CUL1: variants seen among roughly 807,000 people sequenced by gnomAD.
CUL1 encodes the protein cullin-1.
A neutral mutation model predicts 118.0 loss-of-function variants in CUL1; 24 were observed. The ratio of observed to expected loss-of-function variants is 0.20; its 90% CI spans 0.15 to 0.29. The LOEUF (loss-of-function observed/expected upper bound fraction) is 0.29, where lower values mean the gene tolerates loss of function less well. Ranked by LOEUF, CUL1 falls within the 10% of genes least tolerant of loss-of-function variation. The probability of loss-of-function intolerance (pLI) is 1.00; values close to 1 mark genes in which losing one functional copy is unlikely to be tolerated. For synonymous variants in CUL1, 332 were observed against 340.4 expected, an observed-to-expected ratio of 0.98 and a Z score of 0.27; for missense variants, 361 against 933.8, an observed-to-expected ratio of 0.39 and a Z score of 7.99.
At chr7:148,725,229 A>G (rs1395462110) in intron 1 of CUL1, among the ~76,000 whole-genome samples, 52 of 151,134 alleles carry the variant, frequency 3.4e-4, no homozygotes, top group African/African-American at 8.3e-4. Flanking sequence ...GCTCACACAC[A>G]CACACACACA....
At chr7:148,725,207 A>ACGCGCGCG (rs1263565835) in intron 1 of CUL1, among the ~76,000 whole-genome samples, 2 of 107,728 alleles carry the variant, frequency 1.9e-5, no homozygotes, top group African/African-American at 6.5e-5. Flanking sequence ...GTACACACAC[A>ACGCGCGCG]CACACGCGCG....
intron 1 of CUL1, among the ~76,000 whole-genome samples, chr7:148,728,072 G>A (rs1301460211): frequency 1.3e-5 from 2 of 152,124 alleles, no homozygotes; most frequent in Non-Finnish European, 2.9e-5. Context: ...AGATGGCGAG[G>A]ATGATTACTA....
intron 1 of CUL1, among the ~76,000 whole-genome samples, chr7:148,710,894 C>T (rs1326559211): frequency 6.6e-6 from 1 of 152,168 alleles, no homozygotes; most frequent in East Asian, 1.9e-4. Flanking sequence ...TCTCGAACTC[C>T]TGACCTCAGG....
At chr7:148,719,107 C>G (rs1455521112) in intron 1 of CUL1, among the ~76,000 whole-genome samples, 2 of 152,016 alleles carry the variant, frequency 1.3e-5, no homozygotes, top group African/African-American at 2.4e-5. Context: ...TTCAGGAGAT[C>G]GAGACCATCC....
Position 148,778,312 on chromosome 7 carries a change from C to G in CUL1, c.1084-5471C>G, listed in dbSNP as rs80227145. ...TAACATTTATGTCCCCCTTTTTTTG[C>G]CTATTAATATCAAAATTAATGTTTT... On this transcript the variant is annotated intron_variant, in intron 9 of 21. Transcript: ENST00000325222. Among the ~76,000 whole-genome samples, 246 of 151,402 alleles carry G rather than the reference C, an allele frequency of 1.6e-3. No individual in the cohort carries two copies. In the Middle Eastern group the frequency reaches 0.02, roughly 13 times the overall value.
At chr7:148,734,205 C>G (rs1220427806) in intron 2 of CUL1, among the ~76,000 whole-genome samples, 1 of 152,158 alleles carries the variant, frequency 6.6e-6, no homozygotes, top group Non-Finnish European at 1.5e-5. Flanking sequence ...CTATTCACTT[C>G]TAGTTTTCTA....
At chr7:148,774,764 C>T (rs1392811521) in intron 9 of CUL1, among the ~76,000 whole-genome samples, 1 of 152,210 alleles carries the variant, frequency 6.6e-6, no homozygotes, top group Non-Finnish European at 1.5e-5. Flanking sequence ...CCCGGCAGGG[C>T]TGCTGGGTCT....
chr7:148,711,474 T>G (rs1379715362), intron 1 of CUL1, among the ~76,000 whole-genome samples: 2 of 152,188 alleles, frequency 1.3e-5, no homozygotes, highest in East Asian at 3.8e-4. Context: ...CTGTGCCCAG[T>G]TCCTTCAGGA....
At chr7:148,704,647 G>A (rs1324776670) in intron 1 of CUL1, among the ~76,000 whole-genome samples, 3 of 152,082 alleles carry the variant, frequency 2.0e-5, no homozygotes, top group African/African-American at 7.2e-5. Context: ...TGAACATTTA[G>A]TTAGTATTAA....
In CUL1 at chr7:148,785,366, C is replaced by CT. The variant is rs921439845; in HGVS notation, c.1299-1175dup. 6.7e-4 allele frequency among the ~76,000 whole-genome samples: 98 copies of CT among 147,000 alleles called. 1 individual carries two copies. Among genetic ancestry groups the CT allele is most frequent in the African/African-American group, 1.4e-3 (57 of 40,124 alleles). On this transcript the variant is annotated intron_variant, in intron 11 of 21. Transcript: ENST00000325222. ...TTTGTTTGACAGAACACTTAGTGTC[C>CT]TTTTTTTTTTGAGACTTAGTCTTAC...
At chr7:148,730,716 AG>A (rs1265878271) in intron 2 of CUL1, among the ~76,000 whole-genome samples, 1 of 152,208 alleles carries the variant, frequency 6.6e-6, no homozygotes, top group African/African-American at 2.4e-5. Flanking sequence ...TTGTCCATGA[AG>A]CCTAAAATAT....
chr7:148,725,423 T>G (rs1430295155), intron 1 of CUL1, among the ~76,000 whole-genome samples: 1 of 152,202 alleles, frequency 6.6e-6, no homozygotes, highest in Non-Finnish European at 1.5e-5. Context: ...TGCACCCTTC[T>G]CAGCCCAGCG....
chr7:148,715,310 G>A lies in CUL1; in HGVS notation c.-161-14652G>A, dbSNP rs183636379. ...GTCTTCTCACCATCGTGTTGAGCGA[G>A]TCGTTTCCATTTCTACTTGGCTGCA... On this transcript the variant is annotated intron_variant, in intron 1 of 21. Coordinates refer to ENST00000325222, the MANE Select transcript of CUL1 (RefSeq NM_003592.3). Among the ~76,000 whole-genome samples the A allele has an allele frequency of 1.8e-4, 28 of 152,290 alleles. 1 individual carries two copies. Among genetic ancestry groups the A allele is most frequent in the Admixed American group, 1.6e-3 (25 of 15,292 alleles).
In CUL1 at chr7:148,703,079, C is replaced by T. The variant is rs567682556; in HGVS notation, c.-162+4050C>T. ...CGAGTTAAACGGGACAGGATAACTC[C>T]GGAGCTCAGGCTTTTAACCAGATGT... On this transcript the variant is annotated intron_variant, in intron 1 of 21. Coordinates refer to ENST00000325222, the MANE Select transcript of CUL1 (RefSeq NM_003592.3). Among the ~76,000 whole-genome samples the T allele has an allele frequency of 3.3e-5, 5 of 152,274 alleles. No homozygotes were observed. In the East Asian group the frequency reaches 5.8e-4, roughly 18 times the overall value.
At chr7:148,703,489 A>G (rs1170461707) in intron 1 of CUL1, among the ~76,000 whole-genome samples, 1 of 152,174 alleles carries the variant, frequency 6.6e-6, no homozygotes, top group South Asian at 2.1e-4. Flanking sequence ...GCCATTTAAA[A>G]TATGTATAAA....
intron 2 of CUL1, among the ~76,000 whole-genome samples, chr7:148,749,277 C>T (rs943768652): frequency 9.2e-5 from 14 of 151,814 alleles, no homozygotes; most frequent in Non-Finnish European, 7.4e-5. Context: ...ATTAGCTGGG[C>T]GTGGTGATGC....
intron 7 of CUL1, among the ~76,000 whole-genome samples, chr7:148,763,979 A>C (rs1348244864): frequency 2.6e-5 from 4 of 152,156 alleles, no homozygotes; most frequent in African/African-American, 9.7e-5. Flanking sequence ...TGTCTTTCCA[A>C]GGATGGCTTT....
intron 1 of CUL1, among the ~76,000 whole-genome samples, chr7:148,725,223 A>ACACACACACACG: frequency 7.8e-6 from 1 of 128,438 alleles, no homozygotes; most frequent in South Asian, 2.4e-4. Flanking sequence ...GCGCGCGCTC[A>ACACACACACACG]CACACACACA....
At chr7:148,700,341 C>T (rs988278438) in intron 1 of CUL1, among the ~76,000 whole-genome samples, 1 of 152,186 alleles carries the variant, frequency 6.6e-6, no homozygotes, top group Non-Finnish European at 1.5e-5. Flanking sequence ...CATAGCTTAA[C>T]GCCTCGCAGA....
Sources: gnomAD v4.1 joint callset for allele counts (sites outside exome capture counted in the v4.1 genomes callset) on GRCh38, gnomAD v4.1.1 for gene constraint, MANE v1.5 for transcripts, NCBI Gene and HGNC (gene_info 2026-07-23, HGNC 2026-07-21) for gene names.